HIVEP1: variants seen among roughly 807,000 people sequenced by gnomAD.
HIVEP1 encodes zinc finger protein 40.
A neutral mutation model predicts 180.0 loss-of-function variants in HIVEP1; 36 were observed. The observed-to-expected ratio is 0.20, with a 90% CI of 0.15 to 0.26. The LOEUF is 0.26. Ranked by LOEUF, HIVEP1 falls within the 10% of genes least tolerant of loss-of-function variation. The probability of loss-of-function intolerance (pLI) is 1.00; values close to 1 mark genes in which losing one functional copy is unlikely to be tolerated. For missense variants in HIVEP1, 3,143 were observed against 3,268.7 expected, an observed-to-expected ratio of 0.96 and a Z score of 0.94; for synonymous variants, 1,239 against 1,239.0, an observed-to-expected ratio of 1.00 and a Z score of 0.00.
At chr6:12,150,626 G>T (rs924852452) in intron 7 of HIVEP1, among the ~76,000 whole-genome samples, 1 of 152,132 alleles carries the variant, frequency 6.6e-6, no homozygotes, top group Non-Finnish European at 1.5e-5. Context: ...ACACTTCCAT[G>T]TGTAGAATAT....
Position 12,151,954 on chromosome 6 carries a change from G to A in HIVEP1, c.6488-9485G>A, listed in dbSNP as rs12662122. ...GTGGATCACCTGAGGTCAGGAGTTC[G>A]AGACCAGCCTGGACAACATGGTGAA... On this transcript the variant is annotated intron_variant, in intron 7 of 8. Coordinates refer to ENST00000379388, the MANE Select transcript of HIVEP1 (RefSeq NM_002114.4). Among the ~76,000 whole-genome samples, 342 of 152,170 alleles carry A rather than the reference G, an allele frequency of 2.2e-3. 20 individuals carry two copies. The East Asian group carries it at 0.06, about 27-fold the overall frequency.
At chr6:12,071,340 C>T (rs1338408815) in intron 2 of HIVEP1, among the ~76,000 whole-genome samples, 1 of 152,152 alleles carries the variant, frequency 6.6e-6, no homozygotes, top group African/African-American at 2.4e-5. Flanking sequence ...CAGCCAGAGC[C>T]CTCTGTGCCT....
At chr6:12,059,477 G>A (rs1771092926) in intron 2 of HIVEP1, among the ~76,000 whole-genome samples, 3 of 152,166 alleles carry the variant, frequency 2.0e-5, no homozygotes, top group Admixed American at 2.0e-4. Flanking sequence ...GTGTTATCTA[G>A]AACACTATAC....
chr6:12,072,616 A>G (rs1000916063), intron 2 of HIVEP1, among the ~76,000 whole-genome samples: 4 of 152,126 alleles, frequency 2.6e-5, no homozygotes, highest in Non-Finnish European at 5.9e-5. Flanking sequence ...GTTAGATTAC[A>G]TGATATGATT....
rs1160628783 is a variant in HIVEP1, at chr6:12,164,202, T to C, written c.7898T>C (p.Met2633Thr). ...DHARLDGLSKMDTEKAASANH... is the reference protein window; with the variant it reads ...DHARLDGLSKTDTEKAASANH... ...GCAAGGCTTGATGGCCTGAGTAAAATGGACACAGAGAAGGCTGCCTCGGCA... is the reference window on the plus strand; with the variant it reads ...GCAAGGCTTGATGGCCTGAGTAAAACGGACACAGAGAAGGCTGCCTCGGCA... The change falls in exon 9 of 9, where the codon ATG becomes ACG. Residue 2633 changes from methionine (M) to threonine (T), a missense_variant. Met to Thr is a moderately conservative substitution (Grantham distance 81). Transcript: ENST00000379388. 3.7e-6 allele frequency: 6 copies of C among 1,613,988 alleles called. No individual in the cohort carries two copies. Among genetic ancestry groups the C allele is most frequent in the African/African-American group, 2.7e-5 (2 of 74,892 alleles).
chr6:12,044,082 A>G (rs1769955928), intron 2 of HIVEP1, among the ~76,000 whole-genome samples: 1 of 152,112 alleles, frequency 6.6e-6, no homozygotes, highest in East Asian at 1.9e-4. Flanking sequence ...GCATGTGTAA[A>G]TGATGCTTTC....
At chr6:12,151,319 A>G (rs1459065089) in intron 7 of HIVEP1, among the ~76,000 whole-genome samples, 1 of 152,190 alleles carries the variant, frequency 6.6e-6, no homozygotes, top group Non-Finnish European at 1.5e-5. Flanking sequence ...AGGACCATTT[A>G]TTTATGAATT....
intron 2 of HIVEP1, among the ~76,000 whole-genome samples, chr6:12,033,920 A>G (rs905326944): frequency 6.6e-6 from 1 of 152,246 alleles, no homozygotes; most frequent in African/African-American, 2.4e-5. Flanking sequence ...GAATTTAGAC[A>G]TACAGGAAAT....
intron 2 of HIVEP1, among the ~76,000 whole-genome samples, chr6:12,055,822 G>A (rs1167815317): frequency 1.3e-5 from 2 of 152,220 alleles, no homozygotes; most frequent in African/African-American, 2.4e-5. Context: ...GCAAGATGAT[G>A]GAGATAAACG....
chr6:12,102,210 C>G (rs556908373), intron 3 of HIVEP1, among the ~76,000 whole-genome samples: 97 of 152,176 alleles, frequency 6.4e-4, no homozygotes, highest in Non-Finnish European at 1.3e-3. Flanking sequence ...AGAAGGTCAG[C>G]AAGGAAATAG....
chr6:12,017,754 G>A (rs1214461743), intron 2 of HIVEP1, among the ~76,000 whole-genome samples: 1 of 152,236 alleles, frequency 6.6e-6, no homozygotes, highest in South Asian at 2.1e-4. Flanking sequence ...GCTGATTGGT[G>A]TATTTAAAAA....
chr6:12,164,277 C>A lies in HIVEP1; in HGVS notation c.7973C>A (p.Ala2658Glu). The change falls in exon 9 of 9, where the codon GCG becomes GAG. Residue 2658 changes from alanine to glutamate, a missense_variant. Coordinates refer to ENST00000379388, the MANE Select transcript of HIVEP1 (RefSeq NM_002114.4). ...CTCACTTCCATACAGGGCCAACCAG[C>A]GTCCACGTCACAACCTCTGCTGAAG... Reference protein sequence around the residue: ...PELTSIQGQPASTSQPLLKAH... With the variant: ...PELTSIQGQPESTSQPLLKAH... The A allele has an allele frequency of 6.2e-7, 1 of 1,614,064 alleles. No individual in the cohort carries two copies.
At position 12,125,002 on chromosome 6, in the gene HIVEP1, C is replaced by T; in HGVS notation, c.5207C>T (p.Pro1736Leu). 6.2e-7 allele frequency: 1 copy of T among 1,614,184 alleles called. No individual in the cohort carries two copies. Among genetic ancestry groups the T allele is most frequent in the Non-Finnish European group, 8.5e-7 (1 of 1,180,036 alleles). The change falls in exon 4 of 9, where the codon CCT becomes CTT. Residue 1736 changes from proline (P) to leucine (L), a missense_variant. This residue lies in a region of HIVEP1 where 1,357 missense variants were observed against 1,260.5 expected (regional missense o/e 1.08). Transcript: ENST00000379388. ...AAAATATCTGTTGGTCGACTTTCCC[C>T]TCAACAAGAATCTTCAGCTTCGAGT... ...TQKISVGRLS[P>L]QQESSASSKR...
chr6:12,111,999 C>CT (rs1362344921), intron 3 of HIVEP1, among the ~76,000 whole-genome samples: 1 of 152,060 alleles, frequency 6.6e-6, no homozygotes, highest in African/African-American at 2.4e-5. Context: ...TCTTAAAGTT[C>CT]TTTTTATAAT....
chr6:12,036,030 A>ATT (rs1451196582), intron 2 of HIVEP1, among the ~76,000 whole-genome samples: 101 of 152,194 alleles, frequency 6.6e-4, no homozygotes, highest in Non-Finnish European at 3.4e-4. Context: ...TGTGGAGACA[A>ATT]TTTTTATTTA....
At position 12,129,789 on chromosome 6, in the gene HIVEP1, G is replaced by A; in HGVS notation, c.6106G>A (p.Val2036Ile). ...ATTAGGTAATCAAAAGTCCACAGTA[G>A]TTGAATTCAGCAATAAAGATGCCTC... The part of the protein sequence containing the change: ...RALGNQKSTV[V>I]EFSNKDASEI... Residue 2036 changes from valine (V) to isoleucine (I), a missense_variant, in exon 5 of 9, where the codon GTT becomes ATT. By Grantham distance (29) the Val-to-Ile change is conservative. Coordinates refer to ENST00000379388, the MANE Select transcript of HIVEP1 (RefSeq NM_002114.4). The A allele has an allele frequency of 6.2e-7, 1 of 1,603,668 alleles. No individual in the cohort carries two copies. The highest frequency in any genetic ancestry group is 8.5e-7 in the Non-Finnish European group (1 of 1,170,704).
At chr6:12,098,482 C>T (rs1773900084) in intron 3 of HIVEP1, among the ~76,000 whole-genome samples, 2 of 152,184 alleles carry the variant, frequency 1.3e-5, no homozygotes, top group South Asian at 4.1e-4. Context: ...AATAATGCCA[C>T]AGAGTGACTT....
At chr6:12,167,652 T>TTATATGTATATATAC (rs1562023676), downstream of HIVEP1, among the ~76,000 whole-genome samples, 2 of 19,214 alleles carry the variant, frequency 1.0e-4, no homozygotes, top group African/African-American at 2.0e-4. Context: ...TATACATATA[T>TTATATGTATATATAC]ATGTTATATA....
the HIVEP1 span, among the ~76,000 whole-genome samples, chr6:12,173,633 A>G: frequency 2.6e-5 from 4 of 152,180 alleles, no homozygotes; most frequent in African/African-American, 9.7e-5. Context: ...TAATTAGATA[A>G]CTTTTATGAT....
Sources: gnomAD v4.1 joint callset for allele counts (sites outside exome capture counted in the v4.1 genomes callset) on GRCh38, gnomAD v4.1.1 for gene constraint, gnomAD v4.1.1 regional missense constraint, MANE v1.5 for transcripts, NCBI Gene and HGNC (gene_info 2026-07-23, HGNC 2026-07-21) for gene names.